MINAR1: variants seen among roughly 807,000 people sequenced by gnomAD.
MINAR1 encodes membrane integral NOTCH2 associated receptor 1.
A neutral mutation model predicts 65.1 loss-of-function variants in MINAR1; 40 were observed. The observed-to-expected ratio is 0.61, with a 90% CI of 0.48 to 0.80. MINAR1 has a LOEUF of 0.80. Ranked by LOEUF, MINAR1 falls within the 30% of genes least tolerant of loss-of-function variation. MINAR1 has a pLI of 0.00. For synonymous variants in MINAR1, 482 were observed against 449.1 expected, an observed-to-expected ratio of 1.07 and a Z score of -0.93; for missense variants, 1,128 against 1,148.0, an observed-to-expected ratio of 0.98 and a Z score of 0.25.
At chr15:79,462,165 C>T (rs1400268813) in intron 2 of MINAR1, among the ~76,000 whole-genome samples, 2 of 152,066 alleles carry the variant, frequency 1.3e-5, no homozygotes, top group East Asian at 3.9e-4. Context: ...TATTACGTTG[C>T]TGGAGAAGGG....
chr15:79,469,260 C>T lies in MINAR1; in HGVS notation c.*876C>T, dbSNP rs138822726. 1.3e-5 allele frequency: 2 copies of T among 152,618 alleles called. No individual in the cohort carries two copies. The highest frequency in any genetic ancestry group is 2.9e-5 in the Non-Finnish European group (2 of 68,038). The allele number at this position is 152,618 out of a possible 1,614,324, so 9.5% of individuals were successfully genotyped here. On this transcript the variant is annotated 3_prime_UTR_variant, in exon 4 of 4. Coordinates refer to ENST00000305428, the MANE Select transcript of MINAR1 (RefSeq NM_015206.3). Reference sequence around the variant, plus strand: ...GGTACCAGATGCTCTGCCTCTCATACATGAGTTGAAGAGTTTGGAACTTGT... The same window carrying T: ...GGTACCAGATGCTCTGCCTCTCATATATGAGTTGAAGAGTTTGGAACTTGT...
chr15:79,445,972 A>C (rs191599923), intron 1 of MINAR1, among the ~76,000 whole-genome samples: 2 of 152,338 alleles, frequency 1.3e-5, no homozygotes, highest in East Asian at 3.9e-4. Context: ...ATTTATTGTA[A>C]TATGATGTAT....
At chr15:79,462,132 A>G (rs374145310) in intron 2 of MINAR1, among the ~76,000 whole-genome samples, 2 of 152,090 alleles carry the variant, frequency 1.3e-5, no homozygotes, top group Non-Finnish European at 2.9e-5. Flanking sequence ...ATGAATATTC[A>G]TGGAGTGTCT....
intron 1 of MINAR1, among the ~76,000 whole-genome samples, chr15:79,434,115 G>C (rs1894529755): frequency 6.6e-6 from 1 of 152,202 alleles, no homozygotes; most frequent in Admixed American, 6.5e-5. Context: ...GCATAGATCA[G>C]GGAGTATGTG....
chr15:79,440,444 G>A (rs1894838396), intron 1 of MINAR1, among the ~76,000 whole-genome samples: 1 of 152,184 alleles, frequency 6.6e-6, no homozygotes, highest in Admixed American at 6.5e-5. Flanking sequence ...GCTTCTGCAT[G>A]TCCCTGGGGC....
In MINAR1 at chr15:79,470,197, A is replaced by ATCATCAGAATTATAG. The variant is rs1247477345; in HGVS notation, c.*1816_*1830dup. 6.6e-6 allele frequency: 1 copy of ATCATCAGAATTATAG among 152,614 alleles called. No homozygotes were observed. Among genetic ancestry groups the ATCATCAGAATTATAG allele is most frequent in the African/African-American group, 2.4e-5 (1 of 41,444 alleles). The allele number at this position is 152,614 out of a possible 1,614,324, so 9.5% of individuals were successfully genotyped here. On this transcript the variant is annotated 3_prime_UTR_variant, in exon 4 of 4. Transcript: ENST00000305428. ...AAATGAAAAAAATATGTTACTCTCTATCATCAGAATTATAGTCTTTGGTGC... is the reference window on the plus strand; with the variant it reads ...AAATGAAAAAAATATGTTACTCTCTATCATCAGAATTATAGTCATCAGAATTATAGTCTTTGGTGC...
intron 1 of MINAR1, among the ~76,000 whole-genome samples, chr15:79,436,352 G>A (rs1278906001): frequency 2.0e-5 from 3 of 152,276 alleles, no homozygotes; most frequent in African/African-American, 4.8e-5. Flanking sequence ...GCACCACATC[G>A]TGGCATGCGG....
the MINAR1 span, chr15:79,419,911 A>G: frequency 6.6e-6 from 1 of 152,204 alleles, no homozygotes; most frequent in Non-Finnish European, 1.5e-5. Context: ...GGTGAGAAGA[A>G]TACAAGATCT....
intron 1 of MINAR1, among the ~76,000 whole-genome samples, chr15:79,447,611 C>T (rs1240470294): frequency 6.6e-6 from 1 of 151,966 alleles, no homozygotes; most frequent in Non-Finnish European, 1.5e-5. Context: ...CTGTGGTGCT[C>T]CTATGCACCT....
At chr15:79,458,665 G>A in intron 2 of MINAR1, among the ~76,000 whole-genome samples, 1 of 152,186 alleles carries the variant, frequency 6.6e-6, no homozygotes, top group East Asian at 1.9e-4. Flanking sequence ...AGCACATGCT[G>A]CGATATTGCT....
intron 1 of MINAR1, among the ~76,000 whole-genome samples, chr15:79,432,744 G>A (rs1045431316): frequency 6.6e-6 from 1 of 152,232 alleles, no homozygotes; most frequent in Non-Finnish European, 1.5e-5. Context: ...CTGCGCTCAG[G>A]GCAGCGGCGG....
chr15:79,463,339 C>T lies in MINAR1; in HGVS notation c.2553+18C>T, dbSNP rs1342236234. On this transcript the variant is annotated intron_variant, in intron 3 of 3. Coordinates refer to ENST00000305428, the MANE Select transcript of MINAR1 (RefSeq NM_015206.3). ...ACCTGCAGGTGAGCCTCTCACTGTC[C>T]CTGGGTGGGGGAAGCCCAGCTGTGC... is the stretch of plus-strand genomic sequence containing the variant. 1 of 1,605,838 alleles carries T rather than the reference C, an allele frequency of 6.2e-7. No individual in the cohort carries two copies. The highest frequency in any genetic ancestry group is 1.1e-5 in the South Asian group (1 of 90,728).
rs758186286 is a variant in MINAR1 at position 79,457,156 on chromosome 15, T to C, written c.1009T>C (p.Ser337Pro). 1 of 1,614,082 alleles carries C rather than the reference T, an allele frequency of 6.2e-7. No individual in the cohort carries two copies. The highest frequency in any genetic ancestry group is 2.2e-5 in the East Asian group (1 of 44,874). Residue 337 changes from serine to proline, a missense_variant, in exon 2 of 4, where the codon TCT becomes CCT. Coordinates refer to ENST00000305428, the MANE Select transcript of MINAR1 (RefSeq NM_015206.3). Reference protein sequence around the residue: ...KHESLDDLQASTYFGPTPVMG... With the variant: ...KHESLDDLQAPTYFGPTPVMG... ...CGAAAGCTTAGATGACCTTCAAGCC[T>C]CTACATATTTTGGGCCCACTCCCGT...
the MINAR1 span, chr15:79,417,535 ATTAAT>A: frequency 6.6e-6 from 1 of 152,198 alleles, no homozygotes; most frequent in African/African-American, 2.4e-5. Flanking sequence ...TTCCTCCTTC[ATTAAT>A]TGGAGATCTC....
chr15:79,447,691 T>C (rs1406079532), intron 1 of MINAR1, among the ~76,000 whole-genome samples: 1 of 152,200 alleles, frequency 6.6e-6, no homozygotes, highest in African/African-American at 2.4e-5. Flanking sequence ...TGGAACTGAT[T>C]TTTTACATTA....
chr15:79,446,061 C>A (rs924323761), intron 1 of MINAR1, among the ~76,000 whole-genome samples: 2 of 152,102 alleles, frequency 1.3e-5, no homozygotes, highest in Non-Finnish European at 2.9e-5. Context: ...TTTCTACCTT[C>A]TCTTAATTGA....
upstream of MINAR1, among the ~76,000 whole-genome samples, chr15:79,429,977 G>A (rs1894400838): frequency 6.6e-6 from 1 of 152,070 alleles, no homozygotes; most frequent in East Asian, 1.9e-4. Flanking sequence ...ACAAGTGAGA[G>A]GAATACCTCC....
chr15:79,412,203 C>G, the MINAR1 span: 1 of 152,350 alleles, frequency 6.6e-6, no homozygotes, highest in African/African-American at 2.4e-5. Flanking sequence ...TCCGCTGGGC[C>G]CATGGCCATC....
Position 79,458,409 on chromosome 15 carries a change from A to C in MINAR1, c.2262A>C (p.Pro754=). 6.2e-7 allele frequency: 1 copy of C among 1,612,562 alleles called. No homozygotes were observed. Among genetic ancestry groups the C allele is most frequent in the Non-Finnish European group, 8.5e-7 (1 of 1,179,318 alleles). The change falls in exon 2 of 4, where the codon CCA becomes CCC. Residue 754 remains proline, a synonymous_variant. Coordinates refer to ENST00000305428, the MANE Select transcript of MINAR1 (RefSeq NM_015206.3). ...AGGAGGAGATAAAAGACACAGGCCCAGGAGATAATAAAGACTGGCATCGGA... is the reference window on the plus strand; with the variant it reads ...AGGAGGAGATAAAAGACACAGGCCCCGGAGATAATAAAGACTGGCATCGGA... The part of the protein sequence containing the change: ...LNEEEIKDTG[P]GDNKDWHRKS...
Sources: gnomAD v4.1 joint callset for allele counts (sites outside exome capture counted in the v4.1 genomes callset) on GRCh38, gnomAD v4.1.1 for gene constraint, MANE v1.5 for transcripts, NCBI Gene and HGNC (gene_info 2026-07-23, HGNC 2026-07-21) for gene names.